PCCB: variants seen among roughly 807,000 people sequenced by gnomAD.
PCCB encodes propionyl-CoA carboxylase beta chain, mitochondrial.
In PCCB, 43 loss-of-function variants were observed where a neutral mutation model predicts 60.7. The observed-to-expected ratio is 0.71, with a 90% CI of 0.55 to 0.91. The LOEUF is 0.91. Ranked by LOEUF, PCCB falls within the 40% of genes least tolerant of loss-of-function variation. PCCB has a pLI of 0.00. For missense variants in PCCB, 766 were observed against 702.8 expected (o/e 1.09, Z -1.02); for synonymous variants, 276 against 255.9 (o/e 1.08, Z -0.75).
chr3:136,256,695 C>A, intron 3 of PCCB, 72 bp downstream of exon 3: 1 of 1,066,836 alleles, frequency 9.4e-7, no homozygotes, highest in Non-Finnish European at 1.5e-6. Context: ...TGAAAGAAGC[C>A]AATCTTGGGG....
intron 9 of PCCB, among the ~76,000 whole-genome samples, chr3:136,303,130 C>G (rs1560021844): frequency 8.2e-6 from 1 of 122,586 alleles, no homozygotes; most frequent in Non-Finnish European, 1.8e-5. Context: ...TTTTACATGT[C>G]ATTTCTTTCC....
intron 10 of PCCB, chr3:136,326,179 ATGT>A: frequency 3.5e-6 from 2 of 572,478 alleles, no homozygotes; most frequent in Non-Finnish European, 6.2e-6. Context: ...TTTTTCATTT[ATGT>A]TTTTGGTCTG....
intron 1 of PCCB, among the ~76,000 whole-genome samples, chr3:136,253,341 G>A (rs1377477536): frequency 6.6e-6 from 1 of 151,126 alleles, no homozygotes; most frequent in Non-Finnish European, 1.5e-5. Flanking sequence ...CGTCTGCCTC[G>A]GCCTCCCAAA....
chr3:136,329,861 T>C (rs1347459737), intron 14 of PCCB, 44 bp from the exon 15 acceptor site: 1 of 1,612,212 alleles, frequency 6.2e-7, no homozygotes, highest in Non-Finnish European at 8.5e-7. Context: ...GGTGGCATCA[T>C]CTCGGGATGC....
intron 6 of PCCB, among the ~76,000 whole-genome samples, chr3:136,285,471 G>A (rs1364831447): frequency 6.6e-6 from 1 of 151,686 alleles, no homozygotes; most frequent in Admixed American, 6.6e-5. Context: ...GCATACTCCT[G>A]TAGCTCTTGC....
In PCCB at chr3:136,301,130, T is replaced by A. The variant is rs1472403904; in HGVS notation, c.966+19T>A. ...ACACTCTGTAAGTGCCACATCTGTT[T>A]GTCTTGCCTGTCCTAGTCAGCCACA... On this transcript the variant is annotated intron_variant, in intron 9 of 14. Coordinates refer to ENST00000251654, the MANE Select transcript of PCCB (RefSeq NM_000532.5). The A allele has an allele frequency of 6.3e-7, 1 of 1,589,014 alleles. No individual in the cohort carries two copies. Among genetic ancestry groups the A allele is most frequent in the South Asian group, 1.1e-5 (1 of 90,620 alleles).
At chr3:136,253,282 G>T (rs185490662) in intron 1 of PCCB, among the ~76,000 whole-genome samples, 3 of 151,650 alleles carry the variant, frequency 2.0e-5, no homozygotes. Flanking sequence ...GTATAGACGG[G>T]GTTTCACCAT....
chr3:136,267,442 C>T (rs1013956879), intron 5 of PCCB, among the ~76,000 whole-genome samples: 2 of 152,074 alleles, frequency 1.3e-5, no homozygotes, highest in African/African-American at 2.4e-5. Context: ...CGATCTGCCT[C>T]GGCATCCCGA....
At chr3:136,257,375 TC>T (rs1437162671) in intron 3 of PCCB, among the ~76,000 whole-genome samples, 1 of 152,134 alleles carries the variant, frequency 6.6e-6, no homozygotes, top group Non-Finnish European at 1.5e-5. Flanking sequence ...AAACACATTT[TC>T]CCCTGGAGCC....
At chr3:136,271,972 A>T (rs554430678) in intron 5 of PCCB, among the ~76,000 whole-genome samples, 1 of 152,276 alleles carries the variant, frequency 6.6e-6, no homozygotes, top group South Asian at 2.1e-4. Flanking sequence ...ACTTTTCCCC[A>T]TTCATTACGA....
chr3:136,308,486 G>C (rs530090949), intron 9 of PCCB, among the ~76,000 whole-genome samples: 1 of 152,274 alleles, frequency 6.6e-6, no homozygotes, highest in African/African-American at 2.4e-5. Flanking sequence ...ACAGACTTAG[G>C]TAGAAAGACT....
rs202247823 is a variant in PCCB, at chr3:136,330,012, A to G, written c.1606A>G (p.Asn536Asp). The G allele has an allele frequency of 5.2e-5, 84 of 1,614,062 alleles. No homozygotes were observed. Among genetic ancestry groups the G allele is most frequent in the Non-Finnish European group, 5.9e-5 (70 of 1,180,010 alleles). ...KVQRPWRKHA[N>D]IPL ...ACAACGTCCTTGGAGAAAACATGCAAATATTCCATTGTAAACAAATCAAAG... is the reference window on the plus strand; with the variant it reads ...ACAACGTCCTTGGAGAAAACATGCAGATATTCCATTGTAAACAAATCAAAG... The change falls in exon 15 of 15, where the codon AAT becomes GAT. Residue 536 changes from asparagine (N) to aspartate (D), a missense_variant. Physicochemically the swap from Asn to Asp is conservative, Grantham distance 23. Coordinates refer to ENST00000251654, the MANE Select transcript of PCCB (RefSeq NM_000532.5).
At chr3:136,264,748 G>A (rs893458865) in intron 5 of PCCB, among the ~76,000 whole-genome samples, 23 of 151,532 alleles carry the variant, frequency 1.5e-4, no homozygotes, top group African/African-American at 4.6e-4. Context: ...GGTGGCGGGC[G>A]CCTGTAGTCC....
rs145019353 is a variant in PCCB, at chr3:136,287,030, C to T, written c.654+3083C>T. On this transcript the variant is annotated intron_variant, in intron 6 of 14. Transcript: ENST00000251654. Reference sequence around the variant, plus strand: ...TGGGTGGCAGAGCAAGACTCTGTCTCGGAAAAAAAAAAAAAAATAATAAAA... The same window carrying T: ...TGGGTGGCAGAGCAAGACTCTGTCTTGGAAAAAAAAAAAAAAATAATAAAA... Among the ~76,000 whole-genome samples, 753 of 143,654 alleles carry T rather than the reference C, an allele frequency of 5.2e-3. 4 individuals are homozygous for T. The highest frequency in any genetic ancestry group is 0.014 in the Middle Eastern group (4 of 282). The allele number at this position is 143,654 out of a possible 152,430, so 94.2% of individuals were successfully genotyped here.
chr3:136,266,405 A>G (rs1346712213), intron 5 of PCCB, among the ~76,000 whole-genome samples: 1 of 152,176 alleles, frequency 6.6e-6, no homozygotes, highest in Non-Finnish European at 1.5e-5. Flanking sequence ...CTGGGATTAC[A>G]GGCGTGAGCC....
At chr3:136,315,943 G>T (rs533427584) in intron 9 of PCCB, among the ~76,000 whole-genome samples, 28 of 152,194 alleles carry the variant, frequency 1.8e-4, no homozygotes, top group Non-Finnish European at 2.8e-4. Context: ...GTGATGGTCG[G>T]GCACAGTGGC....
At position 136,323,993 on chromosome 3, in the gene PCCB, T is replaced by G. The variant is rs568217412; in HGVS notation, c.1091-2810T>G. 1.7e-4 allele frequency among the ~76,000 whole-genome samples: 22 copies of G among 132,990 alleles called. No homozygotes were observed. In the South Asian group the frequency reaches 4.9e-3, roughly 30 times the overall value. The allele number at this position is 132,990 out of a possible 152,430, so 87.2% of individuals were successfully genotyped here. A position where few individuals can be genotyped will look rare whatever the true frequency, so the allele number is the denominator to read the frequency against. On this transcript the variant is annotated intron_variant, in intron 10 of 14. Coordinates refer to ENST00000251654, the MANE Select transcript of PCCB (RefSeq NM_000532.5). ...AATTTTCCTCTTTTCCCAAGCTTTGTTTTTTTTTTTTTTGATATTTAATGT... is the reference window on the plus strand; with the variant it reads ...AATTTTCCTCTTTTCCCAAGCTTTGGTTTTTTTTTTTTTGATATTTAATGT...
At position 136,301,031 on chromosome 3, in the gene PCCB, G is replaced by C; in HGVS notation, c.886G>C (p.Asp296His). 4 of 1,613,870 alleles carry C rather than the reference G, an allele frequency of 2.5e-6. No homozygotes were observed. The highest frequency in any genetic ancestry group is 3.4e-6 in the Non-Finnish European group (4 of 1,179,844). Residue 296 changes from aspartate (D) to histidine (H), a missense_variant and splice_region_variant, in exon 9 of 15, where the codon GAC becomes CAC. Physicochemically the swap from Asp to His is moderately conservative, Grantham distance 81 (BLOSUM62 -1). Coordinates refer to ENST00000251654, the MANE Select transcript of PCCB (RefSeq NM_000532.5). ...APVRECHDPS[D>H]RLVPELDTIV... ...TACCTGCCTTTTTTCTGCCTAAAGT[G>C]ACCGTCTGGTTCCTGAGCTTGACAC...
At chr3:136,260,713 G>T (rs1343777355) in intron 4 of PCCB, among the ~76,000 whole-genome samples, 178 bp downstream of exon 4, 1 of 152,090 alleles carries the variant, frequency 6.6e-6, no homozygotes, top group African/African-American at 2.4e-5. Context: ...CTCTTCCATG[G>T]GCTGGCAAAG....
Sources: gnomAD v4.1 joint callset for allele counts (sites outside exome capture counted in the v4.1 genomes callset) on GRCh38, gnomAD v4.1.1 for gene constraint, MANE v1.5 for transcripts, NCBI Gene and HGNC (gene_info 2026-07-23, HGNC 2026-07-21) for gene names.